The following SAMD12 variants were observed in gnomAD, a reference collection of about 807,000 sequenced individuals.
The protein encoded by SAMD12 is sterile alpha motif domain containing 12.
Under a neutral mutation model 15.0 loss-of-function variants are expected in SAMD12, and 9 were observed. The ratio of observed to expected loss-of-function variants is 0.60; its 90% CI spans 0.36 to 1.05. The LOEUF (loss-of-function observed/expected upper bound fraction) is 1.05. SAMD12 is among the 50% of genes least tolerant of loss of function. The pLI is 0.01. For synonymous variants in SAMD12, 86 were observed against 90.1 expected (o/e 0.96, Z 0.25); for missense variants, 230 against 234.2 (o/e 0.98, Z 0.12).
intron 2 of SAMD12, among the ~76,000 whole-genome samples, chr8:118,483,955 G>C (rs1182564539): frequency 6.6e-6 from 1 of 152,174 alleles, no homozygotes; most frequent in Non-Finnish European, 1.5e-5. Flanking sequence ...AATGTTCTCA[G>C]TACTAGGTGC....
At chr8:118,464,996 G>A (rs1823549565) in intron 2 of SAMD12, among the ~76,000 whole-genome samples, 2 of 152,180 alleles carry the variant, frequency 1.3e-5, no homozygotes, top group South Asian at 4.1e-4. Context: ...AATGTGCATG[G>A]TTTTCAGTGC....
chr8:118,150,090 C>T, the SAMD12 span, among the ~76,000 whole-genome samples: 2 of 152,122 alleles, frequency 1.3e-5, no homozygotes, highest in Non-Finnish European at 2.9e-5. Flanking sequence ...GGTGCTACTG[C>T]GATATGGTGA....
intron 4 of SAMD12, among the ~76,000 whole-genome samples, chr8:118,321,972 T>C (rs1431388318): frequency 1.3e-5 from 2 of 152,172 alleles, no homozygotes; most frequent in African/African-American, 4.8e-5. Flanking sequence ...TGTGCCACAT[T>C]CTTCTTCCCC....
intron 3 of SAMD12, among the ~76,000 whole-genome samples, chr8:118,430,145 T>C: frequency 6.6e-6 from 1 of 152,328 alleles, no homozygotes; most frequent in Middle Eastern, 3.4e-3. Flanking sequence ...ATACATTCTA[T>C]AAAATGTTCT....
intron 3 of SAMD12, among the ~76,000 whole-genome samples, chr8:118,397,538 G>A (rs1041543662): frequency 2.0e-5 from 3 of 152,118 alleles, no homozygotes; most frequent in Non-Finnish European, 4.4e-5. Flanking sequence ...TAGGTCACTC[G>A]ATAACTGAGT....
At chr8:118,437,726 T>G (rs78880908) in intron 3 of SAMD12, among the ~76,000 whole-genome samples, 3,549 of 152,222 alleles carry the variant, frequency 0.023, 137 homozygotes, top group African/African-American at 0.081. Context: ...TACGACAACT[T>G]TTTTAAATGC....
intron 1 of SAMD12, among the ~76,000 whole-genome samples, chr8:118,607,875 G>A (rs1457927135): frequency 6.6e-6 from 1 of 152,104 alleles, no homozygotes; most frequent in East Asian, 1.9e-4. Context: ...TGCTCTATCA[G>A]TCATCTCTTC....
intron 2 of SAMD12, among the ~76,000 whole-genome samples, chr8:118,488,296 A>G (rs1384259710): frequency 2.0e-5 from 3 of 152,170 alleles, no homozygotes; most frequent in Admixed American, 2.0e-4. Flanking sequence ...GAGTATGTCT[A>G]ATGGAAATAC....
intron 4 of SAMD12, among the ~76,000 whole-genome samples, chr8:118,312,713 C>T (rs578013530): frequency 1.3e-4 from 20 of 151,658 alleles, no homozygotes; most frequent in Middle Eastern, 3.4e-3. Flanking sequence ...ATACAACAAC[C>T]TTTTGGATAA....
At chr8:118,255,789 A>G (rs1243908260) in intron 4 of SAMD12, among the ~76,000 whole-genome samples, 1 of 151,978 alleles carries the variant, frequency 6.6e-6, no homozygotes, top group Non-Finnish European at 1.5e-5. Context: ...AGTCTTTGCT[A>G]TTGTGAATAG....
chr8:118,456,678 T>G (rs1823263344), intron 2 of SAMD12, among the ~76,000 whole-genome samples: 1 of 152,242 alleles, frequency 6.6e-6, no homozygotes, highest in Non-Finnish European at 1.5e-5. Context: ...GGATCTGTAT[T>G]AAAATATAGG....
At chr8:118,553,983 A>G (rs550678634) in intron 2 of SAMD12, among the ~76,000 whole-genome samples, 2 of 152,298 alleles carry the variant, frequency 1.3e-5, no homozygotes, top group South Asian at 4.2e-4. Context: ...CCACAGTGAG[A>G]TATCATCTCA....
intron 1 of SAMD12, among the ~76,000 whole-genome samples, chr8:118,604,839 A>G (rs1168973653): frequency 1.3e-5 from 2 of 152,022 alleles, no homozygotes. Flanking sequence ...GGAGAATGGC[A>G]TGAACCCGGG....
intron 2 of SAMD12, among the ~76,000 whole-genome samples, chr8:118,486,199 G>A (rs1287409355): frequency 6.6e-6 from 1 of 152,230 alleles, no homozygotes; most frequent in South Asian, 2.1e-4. Context: ...CAGATCACGA[G>A]GTCAGGAGAT....
intron 4 of SAMD12, among the ~76,000 whole-genome samples, chr8:118,325,179 A>G (rs946457582): frequency 3.9e-5 from 6 of 152,224 alleles, no homozygotes; most frequent in Admixed American, 3.9e-4. Flanking sequence ...GCTGCTAAAC[A>G]GCAGAGATGT....
chr8:118,387,406 A>G (rs1313892446), intron 3 of SAMD12, among the ~76,000 whole-genome samples: 2 of 152,088 alleles, frequency 1.3e-5, no homozygotes, highest in Non-Finnish European at 2.9e-5. Flanking sequence ...CACAATTTGG[A>G]TACTACTGTT....
At chr8:118,305,958 C>T (rs1815328598) in intron 4 of SAMD12, among the ~76,000 whole-genome samples, 1 of 152,094 alleles carries the variant, frequency 6.6e-6, no homozygotes, top group South Asian at 2.1e-4. Context: ...GGCTGCATCT[C>T]CTCCTGGTTC....
At chr8:118,438,307 C>T (rs147214045) in intron 3 of SAMD12, among the ~76,000 whole-genome samples, 2 of 152,210 alleles carry the variant, frequency 1.3e-5, no homozygotes, top group East Asian at 3.9e-4. Context: ...ACTTGAGCTA[C>T]AATTGGGTGT....
intron 4 of SAMD12, among the ~76,000 whole-genome samples, chr8:118,264,250 C>T (rs1458456406): frequency 6.6e-6 from 1 of 152,064 alleles, no homozygotes; most frequent in East Asian, 1.9e-4. Flanking sequence ...TATCCTCCTC[C>T]ACCTCTCTCT....
Sources: gnomAD v4.1 joint callset for allele counts (sites outside exome capture counted in the v4.1 genomes callset) on GRCh38, gnomAD v4.1.1 for gene constraint, MANE v1.5 for transcripts, NCBI Gene and HGNC (gene_info 2026-07-23, HGNC 2026-07-21) for gene names.